The following FOXO3 variants were observed in gnomAD, a reference collection of about 807,000 sequenced individuals.
FOXO3 encodes the protein forkhead box protein O3.
FOXO3 carries 4 observed loss-of-function variants against 41.9 expected under a neutral mutation model. The observed-to-expected ratio is 0.10, with a 90% CI of 0.05 to 0.22. The LOEUF is 0.22. Ranked by LOEUF, FOXO3 falls within the 10% of genes least tolerant of loss-of-function variation. The probability of loss-of-function intolerance (pLI) is 1.00; values close to 1 mark genes in which losing one functional copy is unlikely to be tolerated. For synonymous variants in FOXO3, 318 were observed against 389.3 expected (o/e 0.82, Z 2.16); for missense variants, 534 against 906.8 (o/e 0.59, Z 5.28).
At chr6:108,634,804 A>G (rs577563611) in intron 1 of FOXO3, among the ~76,000 whole-genome samples, 1 of 152,242 alleles carries the variant, frequency 6.6e-6, no homozygotes, top group South Asian at 2.1e-4. Context: ...TTTGAAACTT[A>G]AGAATAAATA....
chr6:108,622,504 C>T (rs1179413965), intron 1 of FOXO3, among the ~76,000 whole-genome samples: 1 of 152,122 alleles, frequency 6.6e-6, no homozygotes, highest in Non-Finnish European at 1.5e-5. Flanking sequence ...TTGTTTCCCC[C>T]ACCAGTATTG....
chr6:108,616,104 CAGCCTCTTGAGT>C (rs938265214), intron 1 of FOXO3, among the ~76,000 whole-genome samples: 2 of 150,552 alleles, frequency 1.3e-5, no homozygotes, highest in Admixed American at 6.6e-5. Flanking sequence ...TCTCCCACCT[CAGCCTCTTGAGT>C]AGCTGGGACT....
Position 108,643,811 on chromosome 6 carries a change from A to G in FOXO3, c.622-19644A>G, listed in dbSNP as rs375176427. 2.0e-5 allele frequency among the ~76,000 whole-genome samples: 3 copies of G among 152,300 alleles called. No individual in the cohort carries two copies. In the South Asian group the frequency reaches 6.2e-4, roughly 32 times the overall value. ...AGGAGTGAAGATCTGACCTTAGTGC[A>G]GAGTTCAGCTGTGTTTGCCCCTCAG... is the stretch of plus-strand genomic sequence containing the variant. On this transcript the variant is annotated intron_variant, in intron 1 of 2. Coordinates refer to ENST00000406360, the MANE Select transcript of FOXO3 (RefSeq NM_001455.4).
At chr6:108,589,019 G>C (rs1261099633) in intron 1 of FOXO3, among the ~76,000 whole-genome samples, 1 of 152,124 alleles carries the variant, frequency 6.6e-6, no homozygotes, top group Non-Finnish European at 1.5e-5. Context: ...TGTTCCTCAG[G>C]GTTTCCTAAG....
At chr6:108,675,360 G>A (rs1369115168) in intron 2 of FOXO3, among the ~76,000 whole-genome samples, 1 of 152,116 alleles carries the variant, frequency 6.6e-6, no homozygotes, top group Non-Finnish European at 1.5e-5. Flanking sequence ...TAGGCTCTGA[G>A]GTGTCCTGGA....
At chr6:108,622,114 C>A (rs1445489148) in intron 1 of FOXO3, among the ~76,000 whole-genome samples, 1 of 152,046 alleles carries the variant, frequency 6.6e-6, no homozygotes, top group Non-Finnish European at 1.5e-5. Flanking sequence ...AAAAAATTAG[C>A]TGGGTGTGGT....
chr6:108,576,393 A>T (rs1776262496), intron 1 of FOXO3, among the ~76,000 whole-genome samples: 1 of 152,204 alleles, frequency 6.6e-6, no homozygotes, highest in South Asian at 2.1e-4. Flanking sequence ...GAAGAGGCTT[A>T]TTGGGAAGAG....
In FOXO3 at chr6:108,681,972, C is replaced by T. The variant is rs1770878448; in HGVS notation, c.*2180C>T. The T allele has an allele frequency of 6.6e-6, 1 of 151,984 alleles. No individual in the cohort carries two copies. Among genetic ancestry groups the T allele is most frequent in the African/African-American group, 2.4e-5 (1 of 41,344 alleles). 9.4% of individuals were successfully genotyped at this position (151,984 alleles called of 1,614,324 possible). On this transcript the variant is annotated 3_prime_UTR_variant, in exon 3 of 3. Coordinates refer to ENST00000406360, the MANE Select transcript of FOXO3 (RefSeq NM_001455.4). ...GGATGCATTGCAGAGGCACTAGTAG[C>T]ATGGGGGCTAGAGTGGGGAGCGAGA...
chr6:108,626,066 C>T (rs1777807484), intron 1 of FOXO3, among the ~76,000 whole-genome samples: 1 of 152,128 alleles, frequency 6.6e-6, no homozygotes, highest in Admixed American at 6.6e-5. Flanking sequence ...TAGTCTGAGG[C>T]TATTTAGTGT....
Position 108,669,044 on chromosome 6 carries a change from C to T in FOXO3, c.*34+4155C>T, listed in dbSNP as rs531421301. On this transcript the variant is annotated intron_variant, in intron 2 of 2. Coordinates refer to ENST00000406360, the MANE Select transcript of FOXO3 (RefSeq NM_001455.4). ...AGGAGAATGGCGTGAACCCAGGAGG[C>T]GGAGCTTGCAGTGAGCTGAGACTGC... 2.6e-5 allele frequency among the ~76,000 whole-genome samples: 4 copies of T among 152,224 alleles called. No homozygotes were observed. The East Asian group carries it at 5.8e-4, about 22-fold the overall frequency.
In FOXO3 at chr6:108,561,368, G is replaced by C; in HGVS notation, c.160G>C (p.Asp54His). ...PAKPSGETAA[D>H]SMIPEEEDDE... ...CAAGCCCTCGGGGGAGACGGCCGCC[G>C]ACTCCATGATCCCCGAGGAGGAGGA... Residue 54 changes from aspartate (D) to histidine (H), a missense_variant, in exon 1 of 3, where the codon GAC becomes CAC. By Grantham distance (81) the Asp-to-His change is moderately conservative (BLOSUM62 -1). Around this residue, in one of 8 missense-constraint regions of FOXO3, gnomAD observed 139 missense variants for 163.7 expected, o/e 0.85. Coordinates refer to ENST00000406360, the MANE Select transcript of FOXO3 (RefSeq NM_001455.4). 1 of 1,559,496 alleles carries C rather than the reference G, an allele frequency of 6.4e-7. No individual in the cohort carries two copies. The highest frequency in any genetic ancestry group is 8.7e-7 in the Non-Finnish European group (1 of 1,154,252).
At chr6:108,569,496 A>G (rs1389163420) in intron 1 of FOXO3, among the ~76,000 whole-genome samples, 1 of 152,210 alleles carries the variant, frequency 6.6e-6, no homozygotes, top group East Asian at 1.9e-4. Flanking sequence ...CTTTTCTATA[A>G]TTCGCTTGTT....
intron 2 of FOXO3, among the ~76,000 whole-genome samples, chr6:108,668,730 T>G (rs1412369769): frequency 1.3e-5 from 2 of 152,196 alleles, no homozygotes; most frequent in Non-Finnish European, 2.9e-5. Context: ...GGTGGTTCAC[T>G]TCTTGTCTCT....
intron 1 of FOXO3, among the ~76,000 whole-genome samples, chr6:108,577,883 TCTC>T (rs1776305434): frequency 6.6e-6 from 1 of 152,160 alleles, no homozygotes; most frequent in African/African-American, 2.4e-5. Flanking sequence ...TTAACTGGGG[TCTC>T]CTCTTCTTTA....
At chr6:108,634,376 A>T (rs1383864375) in intron 1 of FOXO3, among the ~76,000 whole-genome samples, 2 of 152,164 alleles carry the variant, frequency 1.3e-5, no homozygotes, top group African/African-American at 4.8e-5. Flanking sequence ...GATTGAAGGT[A>T]GTGGGCAATG....
intron 1 of FOXO3, among the ~76,000 whole-genome samples, chr6:108,643,129 C>G (rs1024098057): frequency 1.3e-5 from 2 of 152,214 alleles, no homozygotes; most frequent in African/African-American, 4.8e-5. Context: ...TCTAAACTTT[C>G]ATTTCCCCAC....
intron 1 of FOXO3, among the ~76,000 whole-genome samples, chr6:108,606,579 C>A (rs1306980446): frequency 2.0e-5 from 3 of 152,266 alleles, no homozygotes; most frequent in East Asian, 3.9e-4. Flanking sequence ...CAGGAGACTG[C>A]ATGAAAAACT....
Position 108,656,530 on chromosome 6 carries a change from C to G in FOXO3, c.622-6925C>G, listed in dbSNP as rs189842807. On this transcript the variant is annotated intron_variant, in intron 1 of 2. Transcript: ENST00000406360. ...CTTTTGGCTTAAAGTATATGATGCT[C>G]GGAAAACAGTAAGTTAACATTTATG... 5.1e-6 allele frequency: 5 copies of G among 984,596 alleles called. No homozygotes were observed. The East Asian group carries it at 5.7e-4, about 112-fold the overall frequency. The allele number at this position is 984,596 out of a possible 1,614,324, so 61.0% of individuals were successfully genotyped here. A position where few individuals can be genotyped will look rare whatever the true frequency, so the allele number is the denominator to read the frequency against.
rs116482363 is a variant in FOXO3, at chr6:108,662,904, A to G, written c.622-551A>G. On this transcript the variant is annotated intron_variant, in intron 1 of 2. Transcript: ENST00000406360. ...GGCCAGGAATTTGAGGAAAACTACT[A>G]TCAGTGAGCTTATCTATTCCCAGCA... 4.9e-3 allele frequency among the ~76,000 whole-genome samples: 739 copies of G among 152,354 alleles called. 11 individuals are homozygous for G. The highest frequency in any genetic ancestry group is 0.017 in the African/African-American group (706 of 41,584).
Sources: allele counts gnomAD v4.1 joint callset (sites outside exome capture counted in the v4.1 genomes callset), GRCh38; gene constraint gnomAD v4.1.1; regional missense constraint gnomAD v4.1.1; transcripts MANE v1.5; gene names NCBI Gene and HGNC (gene_info 2026-07-23, HGNC 2026-07-21).